The following ROR1 variants were observed in gnomAD, a reference collection of about 807,000 sequenced individuals.
The protein encoded by ROR1 is ROR family WNT receptor 1, also known as inactive tyrosine-protein kinase transmembrane receptor ROR1.
ROR1 carries 19 observed loss-of-function variants against 78.8 expected under a neutral mutation model. The observed-to-expected ratio is 0.24, with a 90% confidence interval of 0.17 to 0.35. The LOEUF (loss-of-function observed/expected upper bound fraction) is 0.35, where lower values mean the gene tolerates loss of function less well. Ranked by LOEUF, ROR1 falls within the 10% of genes least tolerant of loss-of-function variation. The probability of loss-of-function intolerance (pLI) is 1.00; values close to 1 mark genes in which losing one functional copy is unlikely to be tolerated. For synonymous variants in ROR1, 386 were observed against 433.6 expected (o/e 0.89, Z 1.36); for missense variants, 917 against 1,177.8 (o/e 0.78, Z 3.24).
chr1:63,834,567 C>T (rs548140564), intron 1 of ROR1, among the ~76,000 whole-genome samples: 19 of 152,232 alleles, frequency 1.2e-4, no homozygotes, highest in Non-Finnish European at 2.2e-4. Flanking sequence ...TTAATGTTAT[C>T]TCTTTTTGTT....
chr1:63,869,230 C>A (rs1450639999), intron 1 of ROR1, among the ~76,000 whole-genome samples: 2 of 152,172 alleles, frequency 1.3e-5, no homozygotes, highest in African/African-American at 4.8e-5. Flanking sequence ...CATGGCAAGC[C>A]CTCGACAATG....
At chr1:63,775,351 C>G (rs1281679520) in intron 1 of ROR1, 2 of 152,206 alleles carry the variant, frequency 1.3e-5, no homozygotes, top group African/African-American at 4.8e-5. Context: ...GCGTCTGAGC[C>G]GGTACACAAT....
At chr1:64,002,754 C>G (rs1376342343) in intron 1 of ROR1, among the ~76,000 whole-genome samples, 2 of 152,164 alleles carry the variant, frequency 1.3e-5, no homozygotes, top group East Asian at 3.8e-4. Flanking sequence ...TTCCTCTCCT[C>G]ACCTTGTGCT....
At chr1:63,867,403 C>T (rs1489668596) in intron 1 of ROR1, among the ~76,000 whole-genome samples, 3 of 152,036 alleles carry the variant, frequency 2.0e-5, no homozygotes, top group Non-Finnish European at 4.4e-5. Context: ...AGATGGCGAG[C>T]CCAGTTTTCT....
intron 1 of ROR1, among the ~76,000 whole-genome samples, chr1:63,812,997 C>T (rs899490266): frequency 1.3e-5 from 2 of 151,894 alleles, no homozygotes; most frequent in Admixed American, 6.6e-5. Context: ...GTGCTTCCCA[C>T]CACTTTTTTA....
At chr1:64,036,471 C>T (rs984658167) in intron 2 of ROR1, among the ~76,000 whole-genome samples, 18 of 152,154 alleles carry the variant, frequency 1.2e-4, no homozygotes, top group Non-Finnish European at 2.6e-4. Flanking sequence ...AGGAGTCTCC[C>T]AGAATATACT....
At chr1:63,857,485 G>A (rs932637982) in intron 1 of ROR1, among the ~76,000 whole-genome samples, 3 of 152,178 alleles carry the variant, frequency 2.0e-5, no homozygotes, top group Admixed American at 2.0e-4. Context: ...CTTATCTGAA[G>A]TGCCTTTTCC....
At chr1:63,811,497 T>G (rs1237255493) in intron 1 of ROR1, among the ~76,000 whole-genome samples, 1 of 152,186 alleles carries the variant, frequency 6.6e-6, no homozygotes, top group Non-Finnish European at 1.5e-5. Flanking sequence ...CCTGCCCTTG[T>G]GCCAAAATGT....
chr1:64,143,367 G>GAA (rs113185883), intron 7 of ROR1: 26,949 of 821,724 alleles, frequency 0.033, 36 homozygotes, highest in East Asian at 0.077. Context: ...CCAAAAAAAA[G>GAA]AAAAAAAAAA....
intron 1 of ROR1, among the ~76,000 whole-genome samples, chr1:63,799,246 TTCATTGTG>T (rs112957852): frequency 0.29 from 43,965 of 151,736 alleles, 8,148 homozygotes; most frequent in African/African-American, 0.53. Context: ...ACAAACAGCT[TTCATTGTG>T]TCATTTCCCT....
intron 4 of ROR1, among the ~76,000 whole-genome samples, chr1:64,116,307 C>T (rs1016043102): frequency 1.3e-5 from 2 of 152,050 alleles, no homozygotes; most frequent in Admixed American, 6.6e-5. Context: ...AAGGATGGGG[C>T]GGTGATTTTG....
At chr1:63,798,277 G>A (rs1644773725) in intron 1 of ROR1, among the ~76,000 whole-genome samples, 1 of 152,138 alleles carries the variant, frequency 6.6e-6, no homozygotes, top group Non-Finnish European at 1.5e-5. Context: ...CGCTCTGCAG[G>A]GAAATTGGAA....
chr1:64,140,604 C>G (rs953452943), intron 6 of ROR1, among the ~76,000 whole-genome samples, 178 bp downstream of exon 6: 68 of 152,138 alleles, frequency 4.5e-4, no homozygotes, highest in African/African-American at 1.3e-3. Flanking sequence ...CTTCAAGAAG[C>G]TTCATGAAGA....
intron 1 of ROR1, among the ~76,000 whole-genome samples, chr1:63,778,511 CCCTTCCA>C (rs1644631013): frequency 6.6e-6 from 1 of 152,182 alleles, no homozygotes; most frequent in African/African-American, 2.4e-5. Flanking sequence ...CTCCCAGTTT[CCCTTCCA>C]CCAGGCAGGC....
At chr1:63,921,253 G>A (rs965294341) in intron 1 of ROR1, among the ~76,000 whole-genome samples, 1 of 152,102 alleles carries the variant, frequency 6.6e-6, no homozygotes, top group Non-Finnish European at 1.5e-5. Flanking sequence ...TTCAGCGTGC[G>A]TTTGGATCGC....
At chr1:63,910,336 A>G (rs1240815283) in intron 1 of ROR1, among the ~76,000 whole-genome samples, 6 of 152,184 alleles carry the variant, frequency 3.9e-5, no homozygotes, top group Admixed American at 6.5e-5. Context: ...TGTTTGTACA[A>G]TGGACATTGT....
chr1:64,010,530 A>G (rs1283671129), intron 2 of ROR1, among the ~76,000 whole-genome samples: 2 of 152,152 alleles, frequency 1.3e-5, no homozygotes, highest in African/African-American at 4.8e-5. Flanking sequence ...CTGAGTTTCT[A>G]CTTTAGTTCA....
chr1:64,098,497 A>G (rs1647390630), intron 4 of ROR1, among the ~76,000 whole-genome samples: 1 of 152,178 alleles, frequency 6.6e-6, no homozygotes, highest in Admixed American at 6.5e-5. Context: ...CAGAATTCTC[A>G]GGCAAACTAA....
chr1:64,131,631 T>G (rs1648915125), intron 4 of ROR1, among the ~76,000 whole-genome samples: 1 of 152,132 alleles, frequency 6.6e-6, no homozygotes, highest in Non-Finnish European at 1.5e-5. Flanking sequence ...CGTTATGTTT[T>G]AAAGAGATGG....
Sources: gnomAD v4.1 joint callset for allele counts (sites outside exome capture counted in the v4.1 genomes callset) on GRCh38, gnomAD v4.1.1 for gene constraint, MANE v1.5 for transcripts, NCBI Gene and HGNC (gene_info 2026-07-23, HGNC 2026-07-21) for gene names.